Variants in RASGRF2 observed in about 807,000 individuals in gnomAD.
RASGRF2 encodes Ras protein specific guanine nucleotide releasing factor 2.
RASGRF2 carries 76 observed loss-of-function variants against 151.0 expected under a neutral mutation model. The ratio of observed to expected loss-of-function variants is 0.50; its 90% CI spans 0.42 to 0.61. RASGRF2 has a LOEUF of 0.61. Among genes scored for constraint, RASGRF2 ranks in the 20% least tolerant of loss-of-function variants. The pLI is 0.00. For synonymous variants in RASGRF2, 504 were observed against 566.5 expected, an observed-to-expected ratio of 0.89 and a Z score of 1.57; for missense variants, 1,148 against 1,564.6, an observed-to-expected ratio of 0.73 and a Z score of 4.49.
rs1386650417 is a variant in RASGRF2 at position 81,154,031 on chromosome 5, G to A, written c.2687-26144G>A. Among the ~76,000 whole-genome samples, 9 of 151,322 alleles carry A rather than the reference G, an allele frequency of 5.9e-5. No homozygotes were observed. In the South Asian group the frequency reaches 1.2e-3, roughly 21 times the overall value. ...GAATATATAATAATTATAAATATAT[G>A]CATCTAACAACAGAGCCCTAAATAC... On this transcript the variant is annotated intron_variant, in intron 17 of 26. Transcript: ENST00000265080.
intron 15 of RASGRF2, among the ~76,000 whole-genome samples, chr5:81,116,397 C>G (rs1753157945): frequency 6.6e-6 from 1 of 152,124 alleles, no homozygotes; most frequent in South Asian, 2.1e-4. Context: ...AATGCCATTT[C>G]TGCAAGTATC....
intron 1 of RASGRF2, among the ~76,000 whole-genome samples, chr5:80,999,430 C>T (rs1647945884): frequency 6.6e-6 from 1 of 152,170 alleles, no homozygotes; most frequent in Non-Finnish European, 1.5e-5. Flanking sequence ...GTAGCCTCAA[C>T]CTCCTGGGCT....
chr5:80,988,008 CGTGTGTGTGT>C (rs58750663), intron 1 of RASGRF2, among the ~76,000 whole-genome samples: 1,822 of 139,476 alleles, frequency 0.013, 15 homozygotes, highest in East Asian at 0.023. Flanking sequence ...AATAAATGTG[CGTGTGTGTGT>C]GTGTGTGTGT....
chr5:81,015,276 A>G (rs57322788), intron 1 of RASGRF2, among the ~76,000 whole-genome samples: 1,854 of 152,308 alleles, frequency 0.012, 46 homozygotes, highest in African/African-American at 0.042. Context: ...CTTTGGGTAT[A>G]TAGCCAGTAA....
At chr5:81,053,329 A>G (rs978245875) in intron 2 of RASGRF2, among the ~76,000 whole-genome samples, 8 of 129,550 alleles carry the variant, frequency 6.2e-5, no homozygotes, top group Admixed American at 5.7e-4. Flanking sequence ...CCCATGTCCA[A>G]GTGTTCTCAT....
At chr5:81,004,273 C>A in intron 1 of RASGRF2, among the ~76,000 whole-genome samples, 1 of 152,216 alleles carries the variant, frequency 6.6e-6, no homozygotes, top group East Asian at 1.9e-4. Context: ...ACAGGGGAGA[C>A]AATTATGCTC....
intron 2 of RASGRF2, among the ~76,000 whole-genome samples, chr5:81,045,903 G>A (rs1750820640): frequency 6.6e-6 from 1 of 152,132 alleles, no homozygotes. Flanking sequence ...CTGATTCAGA[G>A]CAAGAATTAT....
chr5:80,986,931 G>A (rs911868154), intron 1 of RASGRF2, among the ~76,000 whole-genome samples: 1 of 152,096 alleles, frequency 6.6e-6, no homozygotes, highest in African/African-American at 2.4e-5. Flanking sequence ...AGCCCTCGGA[G>A]GTCTGGCCCC....
chr5:81,070,973 A>G (rs1461547034), intron 4 of RASGRF2, among the ~76,000 whole-genome samples: 1 of 152,130 alleles, frequency 6.6e-6, no homozygotes, highest in Non-Finnish European at 1.5e-5. Flanking sequence ...ATGTGTGAAG[A>G]TTGAGTAAAT....
chr5:81,211,565 G>A lies in RASGRF2; in HGVS notation c.3157-801G>A, dbSNP rs137972204. 2.3e-4 allele frequency among the ~76,000 whole-genome samples: 35 copies of A among 152,326 alleles called. 1 individual carries two copies. In the East Asian group the frequency reaches 6.6e-3, roughly 29 times the overall value. On this transcript the variant is annotated intron_variant, in intron 22 of 26. Coordinates refer to ENST00000265080, the MANE Select transcript of RASGRF2 (RefSeq NM_006909.3). ...ACAGCACTGCAGTAGGTGCTTTAGC[G>A]AATTTCCACAGTGATGGTGTTGAGG...
intron 1 of RASGRF2, among the ~76,000 whole-genome samples, chr5:81,016,778 A>C (rs1044733233): frequency 1.3e-5 from 2 of 152,212 alleles, no homozygotes; most frequent in Non-Finnish European, 2.9e-5. Context: ...GCTTTGCTTT[A>C]TTCATAATTT....
At chr5:81,019,019 C>G (rs13173028) in intron 1 of RASGRF2, among the ~76,000 whole-genome samples, 15,766 of 152,154 alleles carry the variant, frequency 0.1, 1,022 homozygotes, top group African/African-American at 0.18. Flanking sequence ...AGGCTGGTCT[C>G]AAACTCCTGA....
At chr5:81,219,634 A>G in intron 25 of RASGRF2, 76 bp from the exon 26 acceptor site, 2 of 1,271,706 alleles carry the variant, frequency 1.6e-6, no homozygotes, top group South Asian at 1.2e-5. Flanking sequence ...AGGCCTCAGA[A>G]GAATGTGCTG....
At chr5:81,080,861 C>A in intron 7 of RASGRF2, 72 bp downstream of exon 7, 1 of 1,371,412 alleles carries the variant, frequency 7.3e-7, no homozygotes, top group Non-Finnish European at 1.0e-6. Flanking sequence ...GCGTGACCAG[C>A]GTGAGATGCT....
rs768714901 is a variant in RASGRF2, at chr5:81,086,913, T to C, written c.1350T>C (p.Cys450=). The change falls in exon 9 of 27, where the codon TGT becomes TGC. Residue 450 remains cysteine (C), a synonymous_variant. Coordinates refer to ENST00000265080, the MANE Select transcript of RASGRF2 (RefSeq NM_006909.3). ...TCGAAAGAATGATCGTGGAGGGCTG[T>C]GACATCTTGCTGGACACCAGCCAAA... ...LAIERMIVEG[C]DILLDTSQTF... 6 of 1,614,174 alleles carry C rather than the reference T, an allele frequency of 3.7e-6. 1 individual carries two copies. In the South Asian group the frequency reaches 6.6e-5, roughly 18 times the overall value.
At chr5:81,204,351 GGTGGTTAA>G (rs1442285999) in intron 19 of RASGRF2, 1 of 152,182 alleles carries the variant, frequency 6.6e-6, no homozygotes, top group Non-Finnish European at 1.5e-5. Context: ...CATATCATAT[GGTGGTTAA>G]GTGCAGCCCT....
In RASGRF2 at chr5:81,192,136, G is replaced by C. The variant is rs76318875; in HGVS notation, c.2794-9194G>C. ...TGCATTCATTCTACAAACGTTTGAG[G>C]GCTGACCAGGAGCAAGGCACAGAGC... On this transcript the variant is annotated intron_variant, in intron 18 of 26. Coordinates refer to ENST00000265080, the MANE Select transcript of RASGRF2 (RefSeq NM_006909.3). Among the ~76,000 whole-genome samples, 1,277 of 152,168 alleles carry C rather than the reference G, an allele frequency of 8.4e-3. 16 individuals carry two copies. Among genetic ancestry groups the C allele is most frequent in the African/African-American group, 0.029 (1,205 of 41,502 alleles).
intron 2 of RASGRF2, among the ~76,000 whole-genome samples, chr5:81,047,459 T>C (rs1356186245): frequency 6.6e-6 from 1 of 152,258 alleles, no homozygotes; most frequent in Non-Finnish European, 1.5e-5. Flanking sequence ...TGTTTGAAAC[T>C]GTCCCACTAT....
chr5:81,113,879 G>C lies in RASGRF2; in HGVS notation c.2429G>C (p.Arg810Pro), dbSNP rs745409647. 5 of 1,614,022 alleles carry C rather than the reference G, an allele frequency of 3.1e-6. No individual in the cohort carries two copies. The highest frequency in any genetic ancestry group is 3.4e-6 in the Non-Finnish European group (4 of 1,180,022). ...GTVEENVDNPRVDLCNKLKRS... is the reference protein window; with the variant it reads ...GTVEENVDNPPVDLCNKLKRS... ...GTAGAAGAGAATGTCGATAACCCACGCGTGGATCTGTGTAACAAGCTAAAA... is the reference window on the plus strand; with the variant it reads ...GTAGAAGAGAATGTCGATAACCCACCCGTGGATCTGTGTAACAAGCTAAAA... Residue 810 changes from arginine to proline, a missense_variant, in exon 15 of 27, where the codon CGC (arginine) becomes CCC (proline). Arg to Pro is a moderately radical substitution (Grantham distance 103). Around this residue, in one of 5 missense-constraint regions of RASGRF2, gnomAD observed 646 missense variants for 807.4 expected, o/e 0.80. Coordinates refer to ENST00000265080, the MANE Select transcript of RASGRF2 (RefSeq NM_006909.3).
Sources: gnomAD v4.1 joint callset for allele counts (sites outside exome capture counted in the v4.1 genomes callset) on GRCh38, gnomAD v4.1.1 for gene constraint, gnomAD v4.1.1 regional missense constraint, MANE v1.5 for transcripts, NCBI Gene and HGNC (gene_info 2026-07-23, HGNC 2026-07-21) for gene names.